HK2: variants seen among roughly 807,000 people sequenced by gnomAD.
HK2 encodes the protein hexokinase 2, also known as hexokinase-2.
A neutral mutation model predicts 92.9 loss-of-function variants in HK2; 42 were observed. The observed-to-expected ratio is 0.45, with a 90% confidence interval of 0.35 to 0.58. The LOEUF (loss-of-function observed/expected upper bound fraction) is 0.58, where lower values mean the gene tolerates loss of function less well. HK2 is among the 20% of genes least tolerant of loss of function. The pLI, the probability that HK2 is intolerant of heterozygous loss-of-function variation, is 0.00. For synonymous variants in HK2, 422 were observed against 468.0 expected (o/e 0.90, Z 1.27); for missense variants, 978 against 1,245.1 (o/e 0.79, Z 3.23).
chr2:74,844,847 A>C (rs1005914926), intron 1 of HK2, among the ~76,000 whole-genome samples: 5 of 152,232 alleles, frequency 3.3e-5, no homozygotes, highest in African/African-American at 1.2e-4. Context: ...AGTCGGGAGT[A>C]GCCAGCTCTT....
In HK2 at chr2:74,877,126, C is replaced by A. The variant is rs771092061; in HGVS notation, c.876-40C>A. ...AACAGGGAAGCTATGAGTACATGGG[C>A]AGTGGGGACTTTATGTTTTTGGTTT... On this transcript the variant is annotated intron_variant, in intron 7 of 17. Coordinates refer to ENST00000290573, the MANE Select transcript of HK2 (RefSeq NM_000189.5). 5 of 1,611,954 alleles carry A rather than the reference C, an allele frequency of 3.1e-6. No homozygotes were observed. In the East Asian group the frequency reaches 1.1e-4, roughly 36 times the overall value.
intron 1 of HK2, among the ~76,000 whole-genome samples, chr2:74,852,163 C>T (rs1688586021): frequency 6.6e-6 from 1 of 152,238 alleles, no homozygotes; most frequent in South Asian, 2.1e-4. Context: ...GCAGGAGCCA[C>T]GTGAGGGCTT....
intron 10 of HK2, among the ~76,000 whole-genome samples, chr2:74,881,447 C>T (rs571520603): frequency 2.0e-5 from 3 of 152,352 alleles, no homozygotes; most frequent in Admixed American, 2.0e-4. Flanking sequence ...CCTCACAGGG[C>T]TGCCTAAGGG....
chr2:74,847,465 G>T (rs1235196987), intron 1 of HK2, among the ~76,000 whole-genome samples: 1 of 152,096 alleles, frequency 6.6e-6, no homozygotes, highest in Non-Finnish European at 1.5e-5. Flanking sequence ...ATTGCTTAAG[G>T]CCAGGAGTTT....
chr2:74,856,800 C>A (rs1469749434), intron 2 of HK2, among the ~76,000 whole-genome samples: 2 of 152,320 alleles, frequency 1.3e-5, no homozygotes, highest in East Asian at 3.9e-4. Flanking sequence ...AGCCAAAGTT[C>A]AGGCATCGGT....
chr2:74,869,392 T>A (rs76732427), intron 3 of HK2, among the ~76,000 whole-genome samples: 1 of 152,326 alleles, frequency 6.6e-6, no homozygotes, highest in Non-Finnish European at 1.5e-5. Context: ...TTCCCCCTTT[T>A]TTGGTACTTG....
At chr2:74,886,188 G>A (rs887865348) in intron 13 of HK2, 106 bp from the exon 14 acceptor site, 9 of 853,756 alleles carry the variant, frequency 1.1e-5, no homozygotes, top group Non-Finnish European at 1.8e-5. Flanking sequence ...GGTCAGCCAT[G>A]GTGTATGATA....
At chr2:74,873,769 G>GGA (rs2103960899) in intron 5 of HK2, 75 bp from the exon 6 acceptor site, 6 of 912,164 alleles carry the variant, frequency 6.6e-6, no homozygotes, top group South Asian at 1.3e-5. Context: ...AGGAGGAGGA[G>GGA]TGATATATAG....
In HK2 at chr2:74,862,125, A is replaced by T. The variant is rs182571532; in HGVS notation, c.227-5511A>T. Among the ~76,000 whole-genome samples, 35 of 152,342 alleles carry T rather than the reference A, an allele frequency of 2.3e-4. 1 individual carries two copies. In the East Asian group the frequency reaches 6.0e-3, roughly 26 times the overall value. ...AACGCTGTGTTTGAGCTATCTCATC[A>T]TTTCTTACAGTCATCCAGTGGTAGG... is the stretch of plus-strand genomic sequence containing the variant. On this transcript the variant is annotated intron_variant, in intron 2 of 17. Coordinates refer to ENST00000290573, the MANE Select transcript of HK2 (RefSeq NM_000189.5).
At chr2:74,843,229 A>C (rs1041223324) in intron 1 of HK2, among the ~76,000 whole-genome samples, 1 of 152,128 alleles carries the variant, frequency 6.6e-6, no homozygotes, top group Non-Finnish European at 1.5e-5. Flanking sequence ...GGGATTTGGC[A>C]GTCAGCTCTT....
chr2:74,852,759 G>A (rs949649816), intron 1 of HK2, among the ~76,000 whole-genome samples: 1 of 152,134 alleles, frequency 6.6e-6, no homozygotes, highest in Non-Finnish European at 1.5e-5. Flanking sequence ...TTAAATCTGG[G>A]AAAAGTTCAT....
intron 2 of HK2, among the ~76,000 whole-genome samples, chr2:74,862,994 C>T (rs1688865962): frequency 1.3e-5 from 2 of 152,190 alleles, no homozygotes; most frequent in South Asian, 4.1e-4. Flanking sequence ...GATTTGAACC[C>T]AGGTCTGCCT....
chr2:74,860,589 C>T (rs538816336), intron 2 of HK2, among the ~76,000 whole-genome samples: 6 of 152,244 alleles, frequency 3.9e-5, no homozygotes, highest in East Asian at 1.9e-4. Flanking sequence ...ATCAGTGTCT[C>T]GTTCCTTTTG....
intron 1 of HK2, chr2:74,835,486 CTGTT>C (rs1239318686): frequency 1.3e-5 from 2 of 152,352 alleles, no homozygotes; most frequent in Non-Finnish European, 1.5e-5. Context: ...CTCGACCTGT[CTGTT>C]CCCACCTGGC....
intron 2 of HK2, among the ~76,000 whole-genome samples, chr2:74,865,708 A>G (rs1688929728): frequency 6.6e-6 from 1 of 152,124 alleles, no homozygotes; most frequent in Non-Finnish European, 1.5e-5. Flanking sequence ...ATGGAAAATT[A>G]GTGCCCCTAA....
intron 1 of HK2, among the ~76,000 whole-genome samples, chr2:74,847,496 A>G (rs1688469306): frequency 6.6e-6 from 1 of 152,174 alleles, no homozygotes. Context: ...TGGACAACGC[A>G]GTGAGACTCT....
chr2:74,855,867 G>A (rs961762033), intron 2 of HK2, among the ~76,000 whole-genome samples: 2 of 152,124 alleles, frequency 1.3e-5, no homozygotes, highest in African/African-American at 4.8e-5. Context: ...CAGCTGCCTG[G>A]GAATGGCAAC....
chr2:74,853,373 TG>T (rs1688615441), intron 1 of HK2, among the ~76,000 whole-genome samples: 1 of 151,832 alleles, frequency 6.6e-6, no homozygotes, highest in Non-Finnish European at 1.5e-5. Context: ...AAAAATTAGC[TG>T]GGTGTGGTGG....
intron 11 of HK2, 61 bp downstream of exon 11, chr2:74,881,920 G>A (rs898068922): frequency 5.1e-6 from 8 of 1,582,024 alleles, no homozygotes; most frequent in Non-Finnish European, 2.6e-6. Flanking sequence ...TGCCTTCGAG[G>A]ACAGTGCTTT....
Sources: allele counts gnomAD v4.1 joint callset (sites outside exome capture counted in the v4.1 genomes callset), GRCh38; gene constraint gnomAD v4.1.1; transcripts MANE v1.5; gene names NCBI Gene and HGNC (gene_info 2026-07-23, HGNC 2026-07-21).